The following FAM135B variants were observed in gnomAD, a reference collection of about 807,000 sequenced individuals.
FAM135B encodes protein FAM135B.
Under a neutral mutation model 127.7 loss-of-function variants are expected in FAM135B, and 43 were observed. The ratio of observed to expected loss-of-function variants is 0.34; its 90% CI spans 0.26 to 0.43. The LOEUF is 0.43. FAM135B is among the 20% of genes least tolerant of loss of function. The probability of loss-of-function intolerance (pLI) is 1.00; values close to 1 mark genes in which losing one functional copy is unlikely to be tolerated. For synonymous variants in FAM135B, 670 were observed against 665.1 expected (o/e 1.01, Z -0.11); for missense variants, 1,558 against 1,725.6 (o/e 0.90, Z 1.72).
chr8:138,373,503 C>T (rs890329894), intron 1 of FAM135B, among the ~76,000 whole-genome samples: 3 of 151,168 alleles, frequency 2.0e-5, no homozygotes, highest in Non-Finnish European at 4.4e-5. Flanking sequence ...AATTGTAGAG[C>T]ATATGTGTTT....
intron 1 of FAM135B, among the ~76,000 whole-genome samples, chr8:138,419,825 ATC>A (rs1278958405): frequency 1.3e-5 from 2 of 152,122 alleles, no homozygotes; most frequent in Admixed American, 6.6e-5. Flanking sequence ...ACATACCAGA[ATC>A]TCTGAGATAC....
Position 138,151,540 on chromosome 8 carries a change from T to C in FAM135B, c.2935A>G (p.Lys979Glu), listed in dbSNP as rs2130733358. Reference protein sequence around the residue: ...NRGVNAFPEAKHKAGTVCPTV... With the variant: ...NRGVNAFPEAEHKAGTVCPTV... ...GGGCACACAGTGCCTGCTTTATGTT[T>C]AGCCTCCGGGAAGGCATTCACTCCT... The change falls in exon 13 of 20, where the codon AAA becomes GAA. Residue 979 changes from lysine (K) to glutamate (E), a missense_variant. By Grantham distance (56) the Lys-to-Glu change is moderately conservative. Coordinates refer to ENST00000395297, the MANE Select transcript of FAM135B (RefSeq NM_015912.4). The C allele has an allele frequency of 6.2e-7, 1 of 1,614,248 alleles. No individual in the cohort carries two copies. The highest frequency in any genetic ancestry group is 8.5e-7 in the Non-Finnish European group (1 of 1,180,054).
At chr8:138,279,931 T>C (rs1563851282) in intron 3 of FAM135B, among the ~76,000 whole-genome samples, 1 of 152,210 alleles carries the variant, frequency 6.6e-6, no homozygotes, top group Admixed American at 6.5e-5. Flanking sequence ...TCTGGGGAAC[T>C]TGCTTATCCC....
intron 1 of FAM135B, among the ~76,000 whole-genome samples, chr8:138,457,978 A>G (rs954667125): frequency 4.0e-5 from 6 of 149,526 alleles, no homozygotes; most frequent in African/African-American, 1.2e-4. Context: ...CCATCTCAAA[A>G]AAAAAAAAAA....
At chr8:138,145,712 C>T (rs534484557) in intron 15 of FAM135B, among the ~76,000 whole-genome samples, 115 of 152,300 alleles carry the variant, frequency 7.6e-4, no homozygotes, top group Non-Finnish European at 9.1e-4. Flanking sequence ...ACTTGCCACC[C>T]ACCCTAATGC....
chr8:138,439,730 G>A (rs1279078135), intron 1 of FAM135B: 4 of 152,190 alleles, frequency 2.6e-5, no homozygotes, highest in African/African-American at 9.7e-5. Context: ...CCCTCTGCTA[G>A]GGATGTATTA....
chr8:138,167,724 T>C (rs1820066083), intron 12 of FAM135B, among the ~76,000 whole-genome samples, 171 bp downstream of exon 12: 1 of 151,958 alleles, frequency 6.6e-6, no homozygotes, highest in Non-Finnish European at 1.5e-5. Context: ...TTTTGTCTAT[T>C]TCATGGAAAC....
At chr8:138,482,951 T>C (rs149298996) in intron 1 of FAM135B, among the ~76,000 whole-genome samples, 20 of 152,278 alleles carry the variant, frequency 1.3e-4, no homozygotes, top group African/African-American at 4.6e-4. Context: ...TACCCAAGAA[T>C]TCATTTAATG....
At chr8:138,228,589 G>T (rs1819659861) in intron 7 of FAM135B, among the ~76,000 whole-genome samples, 1 of 152,118 alleles carries the variant, frequency 6.6e-6, no homozygotes, top group African/African-American at 2.4e-5. Context: ...GTTTGACAAG[G>T]TAGGTTTCAC....
intron 1 of FAM135B, among the ~76,000 whole-genome samples, chr8:138,457,286 G>A (rs956273170): frequency 2.0e-5 from 3 of 152,108 alleles, no homozygotes; most frequent in Non-Finnish European, 2.9e-5. Flanking sequence ...AGTGAGAGCC[G>A]TGGCAGAGAC....
intron 1 of FAM135B, chr8:138,438,939 G>T (rs556931819): frequency 6.6e-6 from 1 of 152,276 alleles, no homozygotes; most frequent in South Asian, 2.1e-4. Context: ...GGTGGAAGAG[G>T]TCACTATACA....
At chr8:138,209,391 A>G (rs957569347) in intron 7 of FAM135B, among the ~76,000 whole-genome samples, 1 of 152,190 alleles carries the variant, frequency 6.6e-6, no homozygotes, top group Non-Finnish European at 1.5e-5. Context: ...TTGAAGGCAT[A>G]GGTAGATACA....
At chr8:138,135,851 TATG>T (rs1352312194) in intron 19 of FAM135B, among the ~76,000 whole-genome samples, 1 of 152,170 alleles carries the variant, frequency 6.6e-6, no homozygotes, top group Non-Finnish European at 1.5e-5. Flanking sequence ...TGTTTGTATT[TATG>T]ATATTTTATT....
intron 3 of FAM135B, among the ~76,000 whole-genome samples, chr8:138,298,633 T>C (rs1382215390): frequency 6.6e-6 from 1 of 152,150 alleles, no homozygotes; most frequent in Non-Finnish European, 1.5e-5. Context: ...GTCTGGATTT[T>C]TTTTCTCATG....
At chr8:138,159,673 T>C (rs1005866234) in intron 12 of FAM135B, among the ~76,000 whole-genome samples, 27 of 151,856 alleles carry the variant, frequency 1.8e-4, no homozygotes, top group Non-Finnish European at 3.1e-4. Flanking sequence ...ACTTAATGGG[T>C]GCAGCACACC....
chr8:138,262,725 C>G (rs550681238), intron 4 of FAM135B, among the ~76,000 whole-genome samples: 1 of 151,728 alleles, frequency 6.6e-6, no homozygotes, highest in African/African-American at 2.4e-5. Context: ...ATAGTGAAAC[C>G]TTGTCTCTAC....
intron 1 of FAM135B, among the ~76,000 whole-genome samples, chr8:138,485,861 C>T (rs970251655): frequency 3.3e-5 from 5 of 152,018 alleles, no homozygotes; most frequent in African/African-American, 7.2e-5. Flanking sequence ...AGGCCATGTT[C>T]GACAGATCAT....
intron 11 of FAM135B, 26 bp from the exon 12 acceptor site, chr8:138,168,075 GT>G (rs1563720765): frequency 1.3e-6 from 2 of 1,593,452 alleles, no homozygotes; most frequent in African/African-American, 2.7e-5. Context: ...CAGGGTGAGC[GT>G]CCAGGGAAGA....
intron 1 of FAM135B, among the ~76,000 whole-genome samples, chr8:138,419,677 AAATAAT>A (rs1203863753): frequency 2.6e-5 from 4 of 152,202 alleles, no homozygotes. Flanking sequence ...GCACAATTAA[AAATAAT>A]AATATCAAGA....
Sources: allele counts gnomAD v4.1 joint callset (sites outside exome capture counted in the v4.1 genomes callset), GRCh38; gene constraint gnomAD v4.1.1; transcripts MANE v1.5; gene names NCBI Gene and HGNC (gene_info 2026-07-23, HGNC 2026-07-21).